The following TMEM131 variants were observed in gnomAD, a reference collection of about 807,000 sequenced individuals.
The protein encoded by TMEM131 is transmembrane protein 131.
In TMEM131, 66 loss-of-function variants were observed where a neutral mutation model predicts 211.6. The observed-to-expected ratio is 0.31, with a 90% CI of 0.26 to 0.38. TMEM131 has a LOEUF of 0.38. Ranked by LOEUF, TMEM131 falls within the 10% of genes least tolerant of loss-of-function variation. The pLI, the probability that TMEM131 is intolerant of heterozygous loss-of-function variation, is 1.00. For synonymous variants in TMEM131, 844 were observed against 841.3 expected (o/e 1.00, Z -0.06); for missense variants, 2,036 against 2,299.3 (o/e 0.89, Z 2.34).
intron 33 of TMEM131, among the ~76,000 whole-genome samples, chr2:97,771,450 C>G (rs1559348657): frequency 6.6e-6 from 1 of 152,078 alleles, no homozygotes; most frequent in Non-Finnish European, 1.5e-5. Context: ...ATAGACCTTC[C>G]ACAAATCTAT....
intron 1 of TMEM131, among the ~76,000 whole-genome samples, chr2:97,979,039 T>A (rs1679670326): frequency 6.6e-6 from 1 of 152,202 alleles, no homozygotes; most frequent in Admixed American, 6.5e-5. Flanking sequence ...TCCTTGTACA[T>A]CTCCATCAGT....
chr2:97,930,848 T>C (rs540405885), intron 1 of TMEM131, among the ~76,000 whole-genome samples: 118 of 152,014 alleles, frequency 7.8e-4, no homozygotes, highest in Non-Finnish European at 1.5e-3. Context: ...TGATGTTCCC[T>C]AGTTCAAGCA....
chr2:97,813,927 G>C (rs1681688845), intron 15 of TMEM131, 44 bp downstream of exon 15: 1 of 1,426,340 alleles, frequency 7.0e-7, no homozygotes, highest in African/African-American at 1.4e-5. Context: ...AAACATTAAA[G>C]GTGGGCAGGG....
At chr2:97,859,219 T>G (rs1000343600) in intron 5 of TMEM131, 85 bp downstream of exon 5, 4 of 1,393,944 alleles carry the variant, frequency 2.9e-6, no homozygotes, top group Middle Eastern at 1.9e-4. Flanking sequence ...AACCCAATTC[T>G]AATCACAGCA....
Position 97,797,405 on chromosome 2 carries a change from G to A in TMEM131, c.2830C>T (p.Pro944Ser). 1.2e-6 allele frequency: 2 copies of A among 1,612,204 alleles called. No individual in the cohort carries two copies. The highest frequency in any genetic ancestry group is 1.7e-6 in the Non-Finnish European group (2 of 1,179,596). ...EKKSVKVKFT[P>S]VHNRTVSSLI... is the part of the protein sequence containing the mutation. The stretch of plus-strand genomic sequence containing the variant: ...GAAGAAACAGTTCTGTTGTGAACTG[G>A]AGTAAACTTTACTTTGACAGATTTC... Residue 944 changes from proline (P) to serine (S), a missense_variant, in exon 26 of 41, where the codon CCA (proline) becomes TCA (serine). Pro to Ser is a moderately conservative substitution (Grantham distance 74, BLOSUM62 -1). Transcript: ENST00000186436.
rs146921370 is a variant in TMEM131, at chr2:97,878,668, G to C, written c.359+9384C>G. Among the ~76,000 whole-genome samples, 238 of 152,142 alleles carry C rather than the reference G, an allele frequency of 1.6e-3. 1 individual carries two copies. The highest frequency in any genetic ancestry group is 2.5e-3 in the Non-Finnish European group (170 of 67,980). On this transcript the variant is annotated intron_variant, in intron 4 of 40. Transcript: ENST00000186436. ...ACAATGAGAACACATGGACATAGAG[G>C]GGGGAACATCATACACCAGGGCCTG...
chr2:97,963,751 T>C (rs1390270549), intron 1 of TMEM131, among the ~76,000 whole-genome samples: 1 of 152,324 alleles, frequency 6.6e-6, no homozygotes, highest in East Asian at 1.9e-4. Flanking sequence ...ATTTTTGAGA[T>C]TGCTAGAATA....
chr2:97,875,545 G>A (rs573772261), intron 4 of TMEM131, among the ~76,000 whole-genome samples: 2 of 152,258 alleles, frequency 1.3e-5, no homozygotes, highest in South Asian at 2.1e-4. Flanking sequence ...AATCAAATTC[G>A]AACTCAGGAT....
At chr2:97,987,882 C>T (rs1043608654) in intron 1 of TMEM131, among the ~76,000 whole-genome samples, 3 of 152,258 alleles carry the variant, frequency 2.0e-5, no homozygotes, top group South Asian at 2.1e-4. Context: ...GATATCAATA[C>T]TACCCAATGT....
chr2:97,804,270 T>C (rs945703483), intron 22 of TMEM131, among the ~76,000 whole-genome samples: 4 of 152,158 alleles, frequency 2.6e-5, no homozygotes, highest in Admixed American at 6.5e-5. Context: ...GGGTGCAGTA[T>C]TGATTTGTCA....
intron 1 of TMEM131, among the ~76,000 whole-genome samples, chr2:97,994,351 T>C (rs917268373): frequency 2.6e-5 from 4 of 152,220 alleles, no homozygotes; most frequent in African/African-American, 9.6e-5. Flanking sequence ...TAACTCAGAC[T>C]AAGGTTGCTT....
intron 3 of TMEM131, among the ~76,000 whole-genome samples, chr2:97,896,717 T>TTACC (rs1181478457): frequency 6.6e-6 from 1 of 152,070 alleles, no homozygotes; most frequent in African/African-American, 2.4e-5. Flanking sequence ...TGCCATTGAA[T>TTACC]TACCTTGACA....
Position 97,796,298 on chromosome 2 carries a change from T to C in TMEM131, c.3120A>G (p.Ser1040=), listed in dbSNP as rs771139230. The change falls in exon 28 of 41, where the codon TCA becomes TCG. Residue 1040 remains serine, a synonymous_variant. Coordinates refer to ENST00000186436, the MANE Select transcript of TMEM131 (RefSeq NM_015348.2). ...HIETIEISGY[S]CEGYGFKVVN... ...CAACTTTAAAGCCATATCCTTCACA[T>C]GAGTATCCACTGATTTCAATGGTTT... The C allele has an allele frequency of 6.4e-7, 1 of 1,566,272 alleles. No individual in the cohort carries two copies. Among genetic ancestry groups the C allele is most frequent in the Non-Finnish European group, 8.7e-7 (1 of 1,154,194 alleles).
At chr2:97,891,385 C>T (rs1675368208) in intron 3 of TMEM131, among the ~76,000 whole-genome samples, 1 of 152,100 alleles carries the variant, frequency 6.6e-6, no homozygotes, top group African/African-American at 2.4e-5. Flanking sequence ...GTGCTGGGCT[C>T]ACCCTTTGAC....
chr2:97,909,165 C>T (rs895324972), intron 2 of TMEM131, among the ~76,000 whole-genome samples: 1 of 152,074 alleles, frequency 6.6e-6, no homozygotes, highest in Non-Finnish European at 1.5e-5. Context: ...AAATAGTTGC[C>T]ATACTTAAAC....
chr2:97,960,253 T>A (rs1211876899), intron 1 of TMEM131, among the ~76,000 whole-genome samples: 4 of 152,230 alleles, frequency 2.6e-5, no homozygotes, highest in Non-Finnish European at 5.9e-5. Flanking sequence ...AGTCAATGAT[T>A]ACAGTGGCAG....
intron 1 of TMEM131, among the ~76,000 whole-genome samples, chr2:97,941,855 G>A (rs1288598902): frequency 6.6e-6 from 1 of 152,168 alleles, no homozygotes; most frequent in Non-Finnish European, 1.5e-5. Context: ...GGAGAAATAG[G>A]AACACTTCCA....
intron 2 of TMEM131, among the ~76,000 whole-genome samples, chr2:97,920,761 T>C (rs1676706091): frequency 6.6e-6 from 1 of 152,104 alleles, no homozygotes; most frequent in Admixed American, 6.6e-5. Flanking sequence ...TACAGTAGTA[T>C]TAAAAAATAC....
intron 2 of TMEM131, among the ~76,000 whole-genome samples, chr2:97,925,985 G>GC (rs1553615288): frequency 6.6e-6 from 1 of 151,788 alleles, no homozygotes; most frequent in Non-Finnish European, 1.5e-5. Flanking sequence ...GGTGGCAGGC[G>GC]CCAGTAGTCC....
Sources: allele counts gnomAD v4.1 joint callset (sites outside exome capture counted in the v4.1 genomes callset), GRCh38; gene constraint gnomAD v4.1.1; transcripts MANE v1.5; gene names NCBI Gene and HGNC (gene_info 2026-07-23, HGNC 2026-07-21).